The following CHCHD3 variants were observed in gnomAD, a reference collection of about 807,000 sequenced individuals.
CHCHD3 encodes MICOS complex subunit MIC19.
A neutral mutation model predicts 38.2 loss-of-function variants in CHCHD3; 20 were observed. That is an observed-to-expected ratio of 0.52 (90% CI 0.37 to 0.76). CHCHD3 has a LOEUF of 0.76. Among genes scored for constraint, CHCHD3 ranks in the 30% least tolerant of loss-of-function variants. The pLI is 0.00. For missense variants in CHCHD3, 245 were observed against 279.2 expected (o/e 0.88, Z 0.87); for synonymous variants, 82 against 100.0 (o/e 0.82, Z 1.07).
At chr7:132,941,609 T>C (rs1438556175) in intron 4 of CHCHD3, among the ~76,000 whole-genome samples, 2 of 152,152 alleles carry the variant, frequency 1.3e-5, no homozygotes, top group Non-Finnish European at 2.9e-5. Context: ...CTTATATTAC[T>C]GGCAACACCA....
intron 7 of CHCHD3, among the ~76,000 whole-genome samples, chr7:132,794,619 C>A (rs760877091): frequency 6.6e-6 from 1 of 151,788 alleles, no homozygotes; most frequent in Non-Finnish European, 1.5e-5. Context: ...ATAAGAGCCA[C>A]GAAAACAATA....
At chr7:133,014,912 AG>A (rs374085938) in intron 3 of CHCHD3, among the ~76,000 whole-genome samples, 5 of 152,328 alleles carry the variant, frequency 3.3e-5, no homozygotes, top group Admixed American at 1.3e-4. Flanking sequence ...TTCATGAGGC[AG>A]GGCACCAGCT....
chr7:133,001,873 T>G (rs1348306152), intron 3 of CHCHD3, among the ~76,000 whole-genome samples: 2 of 152,206 alleles, frequency 1.3e-5, no homozygotes, highest in African/African-American at 4.8e-5. Flanking sequence ...ACTTTGATTC[T>G]GTGTGAGTCG....
intron 1 of CHCHD3, among the ~76,000 whole-genome samples, chr7:133,080,302 C>T (rs767420273): frequency 5.9e-5 from 9 of 152,166 alleles, no homozygotes; most frequent in Non-Finnish European, 8.8e-5. Flanking sequence ...GACAATTTTT[C>T]CATTTTAATA....
At chr7:133,048,163 TCAGA>T (rs1439468939) in intron 2 of CHCHD3, among the ~76,000 whole-genome samples, 1 of 151,858 alleles carries the variant, frequency 6.6e-6, no homozygotes, top group Non-Finnish European at 1.5e-5. Flanking sequence ...AAATACCTAC[TCAGA>T]CAGAATCACT....
intron 3 of CHCHD3, among the ~76,000 whole-genome samples, chr7:132,998,745 T>G (rs772529925): frequency 1.3e-5 from 2 of 152,150 alleles, no homozygotes; most frequent in Non-Finnish European, 2.9e-5. Flanking sequence ...TAATGACTTG[T>G]CTCCACATCT....
rs1813635393 is a variant in CHCHD3 at position 133,035,222 on chromosome 7, T to C, written c.170-10595A>G. 3 of 1,613,804 alleles carry C rather than the reference T, an allele frequency of 1.9e-6. No homozygotes were observed. The highest frequency in any genetic ancestry group is 2.5e-6 in the Non-Finnish European group (3 of 1,179,732). Reference sequence around the variant, plus strand: ...GCTTCTCTTCCCGTGAACCCTTCTCTTTCCGTGGTGTGTCCTTTTTAGGCT... The same window carrying C: ...GCTTCTCTTCCCGTGAACCCTTCTCCTTCCGTGGTGTGTCCTTTTTAGGCT... On this transcript the variant is annotated intron_variant, in intron 2 of 7. Coordinates refer to ENST00000262570, the MANE Select transcript of CHCHD3 (RefSeq NM_017812.4). This position sits in a 1 kb window ranked among gnomAD's most constrained non-coding sequence, Gnocchi z 4.7.
In CHCHD3 at chr7:133,076,454, G is replaced by A. The variant is rs145193800; in HGVS notation, c.81+5403C>T. Among the ~76,000 whole-genome samples, 77 of 152,290 alleles carry A rather than the reference G, an allele frequency of 5.1e-4. 1 individual carries two copies. Among genetic ancestry groups the A allele is most frequent in the African/African-American group, 1.8e-3 (74 of 41,560 alleles). Reference sequence around the variant, plus strand: ...CTAATATAAGGGGCAATCAAAAGAAGCAGGTCTGCCGATATTCAGCCCACT... The same window carrying A: ...CTAATATAAGGGGCAATCAAAAGAAACAGGTCTGCCGATATTCAGCCCACT... On this transcript the variant is annotated intron_variant, in intron 1 of 7. Transcript: ENST00000262570.
chr7:132,846,652 A>G (rs998303648), intron 5 of CHCHD3, among the ~76,000 whole-genome samples: 5 of 152,242 alleles, frequency 3.3e-5, no homozygotes, highest in African/African-American at 1.2e-4. Flanking sequence ...TAGAGCACTC[A>G]GCAAACTACA....
intron 5 of CHCHD3, among the ~76,000 whole-genome samples, chr7:132,873,634 C>T (rs1174861964): frequency 6.6e-6 from 1 of 151,996 alleles, no homozygotes; most frequent in Non-Finnish European, 1.5e-5. Context: ...TCCCAACAAT[C>T]TTGGAACAAG....
chr7:133,054,957 G>A (rs182889609), intron 2 of CHCHD3, among the ~76,000 whole-genome samples: 1 of 152,208 alleles, frequency 6.6e-6, no homozygotes, highest in African/African-American at 2.4e-5. Flanking sequence ...GGGCTCTCAG[G>A]TATGCCTTCT....
intron 4 of CHCHD3, among the ~76,000 whole-genome samples, chr7:132,966,961 C>T (rs919615625): frequency 1.2e-4 from 19 of 152,098 alleles, no homozygotes; most frequent in Non-Finnish European, 4.4e-5. Flanking sequence ...CAATGAATGC[C>T]ACGTCATCAT....
intron 4 of CHCHD3, chr7:132,973,842 C>T: frequency 8.9e-7 from 1 of 1,121,776 alleles, no homozygotes; most frequent in Non-Finnish European, 1.1e-6. Context: ...AGGAAAATCC[C>T]CCTCACTCTT....
intron 2 of CHCHD3, among the ~76,000 whole-genome samples, chr7:133,029,130 G>A (rs1813432157): frequency 6.6e-6 from 1 of 152,110 alleles, no homozygotes; most frequent in African/African-American, 2.4e-5. Context: ...ACAGAAAAGA[G>A]ATTAAGCAGT....
chr7:132,818,379 T>G (rs1429600740), intron 6 of CHCHD3, among the ~76,000 whole-genome samples: 1 of 152,198 alleles, frequency 6.6e-6, no homozygotes, highest in Non-Finnish European at 1.5e-5. Flanking sequence ...TCAGTCCAGT[T>G]TTAATTGAGC....
chr7:132,952,650 T>G (rs907910334), intron 4 of CHCHD3, among the ~76,000 whole-genome samples: 2 of 152,230 alleles, frequency 1.3e-5, no homozygotes, highest in Non-Finnish European at 2.9e-5. Context: ...ATAGGCCATA[T>G]AGAGTTAGCT....
At chr7:132,857,453 G>A (rs1005400173) in intron 5 of CHCHD3, among the ~76,000 whole-genome samples, 1 of 152,106 alleles carries the variant, frequency 6.6e-6, no homozygotes, top group South Asian at 2.1e-4. Context: ...TGTTGCCCAG[G>A]CTGGAGTCCA....
intron 2 of CHCHD3, among the ~76,000 whole-genome samples, chr7:133,050,528 G>C (rs1814133572): frequency 6.6e-6 from 1 of 151,924 alleles, no homozygotes; most frequent in South Asian, 2.1e-4. Context: ...GGCAGAAAAT[G>C]ATTCAGAAGA....
At chr7:132,993,150 A>C (rs2117375159) in intron 3 of CHCHD3, among the ~76,000 whole-genome samples, 1 of 152,314 alleles carries the variant, frequency 6.6e-6, no homozygotes, top group South Asian at 2.1e-4. Flanking sequence ...CTGAAATTTT[A>C]GCTGTCTATG....
Sources: allele counts gnomAD v4.1 joint callset (sites outside exome capture counted in the v4.1 genomes callset), GRCh38; gene constraint gnomAD v4.1.1; non-coding constraint Gnocchi (gnomAD v3.1); transcripts MANE v1.5; gene names NCBI Gene and HGNC (gene_info 2026-07-23, HGNC 2026-07-21).